Variants in COL12A1 observed in about 807,000 individuals in gnomAD.
COL12A1 encodes collagen type XII alpha 1 chain.
Under a neutral mutation model 349.7 loss-of-function variants are expected in COL12A1, and 114 were observed. The ratio of observed to expected loss-of-function variants is 0.33; its 90% CI spans 0.28 to 0.38. COL12A1 has a LOEUF of 0.38. Ranked by LOEUF, COL12A1 falls within the 10% of genes least tolerant of loss-of-function variation. The pLI is 1.00. For synonymous variants in COL12A1, 1,369 were observed against 1,329.0 expected, an observed-to-expected ratio of 1.03 and a Z score of -0.66; for missense variants, 3,284 against 3,756.9, an observed-to-expected ratio of 0.87 and a Z score of 3.29.
At chr6:75,106,005 T>G (rs950501565) in intron 53 of COL12A1, among the ~76,000 whole-genome samples, 1 of 152,176 alleles carries the variant, frequency 6.6e-6, no homozygotes, top group Non-Finnish European at 1.5e-5. Flanking sequence ...TATTACCACC[T>G]ACATAGATAC....
At chr6:75,197,813 A>G (rs534830243) in intron 2 of COL12A1, among the ~76,000 whole-genome samples, 4 of 152,202 alleles carry the variant, frequency 2.6e-5, no homozygotes, top group Non-Finnish European at 5.9e-5. Context: ...TTAATTTCAT[A>G]TTTACAGATA....
chr6:75,094,418 T>TA lies in COL12A1; in HGVS notation c.8649+689dup, dbSNP rs568170233. Among the ~76,000 whole-genome samples the TA allele has an allele frequency of 3.1e-3, 471 of 152,218 alleles. 2 individuals carry two copies. The highest frequency in any genetic ancestry group is 0.011 in the African/African-American group (449 of 41,530). ...TAAATACAAAAAAAGGAAAAGCTTG[T>TA]AAAAAATATGAAGCCCAACACTCAT... On this transcript the variant is annotated intron_variant, in intron 60 of 65. Transcript: ENST00000322507.
intron 43 of COL12A1, 106 bp from the exon 44 acceptor site, chr6:75,121,547 G>C (rs1447303572): frequency 7.7e-7 from 1 of 1,294,994 alleles, no homozygotes; most frequent in Non-Finnish European, 1.0e-6. Context: ...CGCAAAGTGT[G>C]GTTCTGCAGC....
intron 5 of COL12A1, among the ~76,000 whole-genome samples, chr6:75,190,024 T>C (rs1769847087): frequency 6.6e-6 from 1 of 151,988 alleles, no homozygotes; most frequent in South Asian, 2.1e-4. Flanking sequence ...GATGAATTCA[T>C]GGAACTAGAT....
chr6:75,105,564 G>A (rs1768508366), intron 53 of COL12A1, among the ~76,000 whole-genome samples: 1 of 152,102 alleles, frequency 6.6e-6, no homozygotes, highest in East Asian at 1.9e-4. Flanking sequence ...TCCAGTGTTA[G>A]AGACTTGTTG....
At chr6:75,165,391 G>C in intron 14 of COL12A1, 116 bp downstream of exon 14, 3 of 1,344,018 alleles carry the variant, frequency 2.2e-6, no homozygotes, top group Non-Finnish European at 2.0e-6. Context: ...TAATTCCTCA[G>C]TCTTCATTTA....
At position 75,087,703 on chromosome 6, in the gene COL12A1, A is replaced by G. The variant is rs1307746550; in HGVS notation, c.9055T>C (p.Ser3019Pro). Residue 3019 changes from serine to proline, a missense_variant, in exon 65 of 66, where the codon TCA becomes CCA. Around this residue, in one of 2 missense-constraint regions of COL12A1, gnomAD observed 683 missense variants for 932.1 expected, o/e 0.73. Transcript: ENST00000322507. ...SRTGPPGSTGSRGPPGPPGRP... is the reference protein window; with the variant it reads ...SRTGPPGSTGPRGPPGPPGRP... ...CCAGGGGGGCCAGGGGGACCTCTTG[A>G]ACCTGTGGACCCTGGTGGACCTGTT... is the stretch of plus-strand genomic sequence containing the variant. The G allele has an allele frequency of 1.9e-6, 3 of 1,609,480 alleles. No individual in the cohort carries two copies. The highest frequency in any genetic ancestry group is 2.2e-5 in the East Asian group (1 of 44,742).
At chr6:75,115,718 C>T (rs1438651075) in intron 49 of COL12A1, 66 bp downstream of exon 49, 23 of 1,532,926 alleles carry the variant, frequency 1.5e-5, no homozygotes, top group African/African-American at 2.8e-5. Flanking sequence ...TCTGGGAAGT[C>T]AGCAAATATT....
intron 25 of COL12A1, among the ~76,000 whole-genome samples, 180 bp downstream of exon 25, chr6:75,145,146 T>C (rs1767114663): frequency 6.6e-6 from 1 of 152,240 alleles, no homozygotes; most frequent in Non-Finnish European, 1.5e-5. Context: ...CTCGAATGAA[T>C]TTGAGATGCC....
intron 24 of COL12A1, 125 bp from the exon 25 acceptor site, chr6:75,145,580 G>T: frequency 5.4e-6 from 4 of 744,802 alleles, no homozygotes; most frequent in Non-Finnish European, 7.6e-6. Flanking sequence ...TCATTTATAA[G>T]ATTACATCTC....
intron 23 of COL12A1, among the ~76,000 whole-genome samples, chr6:75,147,076 A>G (rs957835704): frequency 6.6e-6 from 1 of 152,348 alleles, no homozygotes; most frequent in Middle Eastern, 3.4e-3. Flanking sequence ...AGCAAGGAAC[A>G]TCTACCCCAA....
intron 30 of COL12A1, 128 bp downstream of exon 30, chr6:75,138,192 G>A (rs1766716084): frequency 3.0e-6 from 3 of 1,002,038 alleles, no homozygotes; most frequent in Non-Finnish European, 2.9e-6. Flanking sequence ...CTATGTAAAA[G>A]AGTTCTCAAT....
rs1398379307 is a variant in COL12A1, at chr6:75,124,012, A to G, written c.6807T>C (p.Gly2269=). Residue 2269 remains glycine (G), a synonymous_variant, in exon 42 of 66, where the codon GGT becomes GGC. Coordinates refer to ENST00000322507, the MANE Select transcript of COL12A1 (RefSeq NM_004370.6). Reference sequence around the variant, plus strand: ...TTGGTGTCTGCACAAAAACAGTGACACCATAATCAGTGTCTGGTGAAAGGC... The same window carrying G: ...TTGGTGTCTGCACAAAAACAGTGACGCCATAATCAGTGTCTGGTGAAAGGC... The part of the protein sequence containing the change: ...FTGLSPDTDY[G]VTVFVQTPNL... 6.2e-7 allele frequency: 1 copy of G among 1,613,940 alleles called. No individual in the cohort carries two copies. The highest frequency in any genetic ancestry group is 8.5e-7 in the Non-Finnish European group (1 of 1,179,864).
At chr6:75,150,925 C>G (rs1397877205) in intron 21 of COL12A1, among the ~76,000 whole-genome samples, 1 of 152,038 alleles carries the variant, frequency 6.6e-6, no homozygotes, top group African/African-American at 2.4e-5. Flanking sequence ...CAACTGGGGA[C>G]AGTTTTTTTC....
At chr6:75,126,015 G>A (rs1582090751) in intron 39 of COL12A1, among the ~76,000 whole-genome samples, 1 of 152,092 alleles carries the variant, frequency 6.6e-6, no homozygotes, top group Non-Finnish European at 1.5e-5. Context: ...TGGGCATAGT[G>A]GGAAAAATAC....
Position 75,194,878 on chromosome 6 carries a change from G to C in COL12A1, c.143C>G (p.Pro48Arg). ...TCTGTAACCCACAATTGGATCAACT[G>C]GTTTTGCCCATGACATATGAACAGT... ...ENTVHMSWAK[P>R]VDPIVGYRIT... The change falls in exon 3 of 66, where the codon CCA becomes CGA. Residue 48 changes from proline to arginine, a missense_variant. Physicochemically the swap from Pro to Arg is moderately radical, Grantham distance 103. Transcript: ENST00000322507. 1 of 1,612,170 alleles carries C rather than the reference G, an allele frequency of 6.2e-7. No homozygotes were observed. Among genetic ancestry groups the C allele is most frequent in the East Asian group, 2.2e-5 (1 of 44,794 alleles).
rs1554167424 is a variant in COL12A1, at chr6:75,095,152, C to T, written c.8605G>A (p.Gly2869Arg). 1 of 1,614,044 alleles carries T rather than the reference C, an allele frequency of 6.2e-7. No homozygotes were observed. Among genetic ancestry groups the T allele is most frequent in the Non-Finnish European group, 8.5e-7 (1 of 1,179,988 alleles). ...GGTTTTCCTGGCTTCCCACTTGGTCCTGTGACTCCTGGGGAGCCTGGGCTT... is the reference window on the plus strand; with the variant it reads ...GGTTTTCCTGGCTTCCCACTTGGTCTTGTGACTCCTGGGGAGCCTGGGCTT... Reference protein sequence around the residue: ...PGSPGSPGVTGPSGKPGKPGD... With the variant: ...PGSPGSPGVTRPSGKPGKPGD... Residue 2869 changes from glycine to arginine, a missense_variant, in exon 60 of 66, where the codon GGA becomes AGA. Gly to Arg is a moderately radical substitution (Grantham distance 125). Transcript: ENST00000322507.
intron 8 of COL12A1, among the ~76,000 whole-genome samples, chr6:75,188,021 A>ATT (rs1769725198): frequency 6.6e-6 from 1 of 152,174 alleles, no homozygotes; most frequent in African/African-American, 2.4e-5. Context: ...TGTTTAAATC[A>ATT]GAGTGCAAGG....
intron 13 of COL12A1, among the ~76,000 whole-genome samples, chr6:75,170,821 G>T (rs1311494749): frequency 6.6e-6 from 1 of 152,144 alleles, no homozygotes; most frequent in African/African-American, 2.4e-5. Flanking sequence ...ACATCATGCA[G>T]AATTCCTGAG....
Sources: allele counts gnomAD v4.1 joint callset (sites outside exome capture counted in the v4.1 genomes callset), GRCh38; gene constraint gnomAD v4.1.1; regional missense constraint gnomAD v4.1.1; transcripts MANE v1.5; gene names NCBI Gene and HGNC (gene_info 2026-07-23, HGNC 2026-07-21).